The following REPS2 variants were observed in gnomAD, a reference collection of about 807,000 sequenced individuals.
The protein encoded by REPS2 is RALBP1 associated Eps domain containing 2, also known as ralBP1-associated Eps domain-containing protein 2.
In REPS2, 23 loss-of-function variants were observed where a neutral mutation model predicts 53.6. The ratio of observed to expected loss-of-function variants is 0.43; its 90% CI spans 0.31 to 0.61. The LOEUF is 0.61. Among genes scored for constraint, REPS2 ranks in the 20% least tolerant of loss-of-function variants. REPS2 has a pLI of 0.11. For synonymous variants in REPS2, 238 were observed against 218.6 expected, an observed-to-expected ratio of 1.09 and a Z score of -0.78; for missense variants, 446 against 534.9, an observed-to-expected ratio of 0.83 and a Z score of 1.64.
rs1371393269 is a variant in REPS2, at chrX:17,150,094, CACT to C, written c.*2618_*2620del. 1 of 112,757 alleles carries C rather than the reference CACT, an allele frequency of 8.9e-6. No individual in the cohort carries two copies. Among genetic ancestry groups the C allele is most frequent in the African/African-American group, 3.2e-5 (1 of 30,909 alleles). 9.3% of individuals were successfully genotyped at this position (112,757 alleles called of 1,213,427 possible). On this transcript the variant is annotated 3_prime_UTR_variant, in exon 18 of 18. Coordinates refer to ENST00000357277, the MANE Select transcript of REPS2 (RefSeq NM_004726.3). The stretch of plus-strand genomic sequence containing the variant: ...TGTGCATAACACACAAGTAATGACA[CACT>C]ACTATTATTATTACCTAAGTAGTGC...
At chrX:17,063,554 C>G (rs767736508) in intron 9 of REPS2, among the ~76,000 whole-genome samples, 1 of 111,888 alleles carries the variant, frequency 8.9e-6, no homozygotes, top group Non-Finnish European at 1.9e-5. Flanking sequence ...TGAGTTGTGT[C>G]CTCCATGGTA....
the REPS2 span, among the ~76,000 whole-genome samples, chrX:17,184,936 C>G: frequency 8.9e-6 from 1 of 112,008 alleles, no homozygotes; most frequent in South Asian, 3.7e-4. Context: ...TTCCCCATAT[C>G]AGTTAGTTTC....
intron 1 of REPS2, among the ~76,000 whole-genome samples, chrX:16,999,768 C>T (rs907362477): frequency 6.3e-5 from 7 of 110,582 alleles, no homozygotes; most frequent in Admixed American, 9.6e-5. Flanking sequence ...AAATCTTGGC[C>T]GGGCACGGTG....
intron 13 of REPS2, chrX:17,100,318 A>G: frequency 1.9e-6 from 1 of 532,229 alleles, no homozygotes; most frequent in South Asian, 2.7e-5. Flanking sequence ...TTTTCTCCAT[A>G]GCGTGTGTGT....
At chrX:17,005,402 A>G (rs148332382) in intron 1 of REPS2, among the ~76,000 whole-genome samples, 1 of 111,659 alleles carries the variant, frequency 9.0e-6, no homozygotes, top group Non-Finnish European at 1.9e-5. Flanking sequence ...ACCCTCATGA[A>G]CCCACTACCA....
intron 9 of REPS2, among the ~76,000 whole-genome samples, chrX:17,066,478 TTCTCCAAAGGG>T (rs2062226278): frequency 8.9e-6 from 1 of 112,591 alleles, no homozygotes; most frequent in Admixed American, 9.4e-5. Context: ...AATTATGTTA[TTCTCCAAAGGG>T]GCCTGATTTA....
chrX:17,100,494 C>G (rs1437766650), intron 13 of REPS2, among the ~76,000 whole-genome samples: 1 of 112,249 alleles, frequency 8.9e-6, no homozygotes, highest in African/African-American at 3.2e-5. Context: ...GCTAATGGCC[C>G]TCCTCTCAGC....
At position 16,993,710 on chromosome X, in the gene REPS2, G is replaced by A. The variant is rs186305909; in HGVS notation, c.274-12511G>A. Among the ~76,000 whole-genome samples, 7 of 112,267 alleles carry A rather than the reference G, an allele frequency of 6.2e-5. No homozygotes were observed. In the Admixed American group the frequency reaches 6.6e-4, roughly 11 times the overall value. On this transcript the variant is annotated intron_variant, in intron 1 of 17. Transcript: ENST00000357277. ...CAGAGTTATGAATTAAATAAATGCT[G>A]TTGCTTTAAGGCACTTAAGTTTTGG... is the stretch of plus-strand genomic sequence containing the variant.
the REPS2 span, among the ~76,000 whole-genome samples, chrX:17,186,436 T>C: frequency 1.6e-4 from 18 of 112,278 alleles, no homozygotes; most frequent in Non-Finnish European, 3.0e-4. Context: ...TTGAGGTGAG[T>C]GCCATTAGTA....
the REPS2 span, among the ~76,000 whole-genome samples, chrX:17,178,165 G>A: frequency 8.9e-6 from 1 of 111,806 alleles, no homozygotes; most frequent in African/African-American, 3.3e-5. Context: ...AATAAGCAAG[G>A]CCAAAAACCC....
At chrX:17,184,785 G>A in the REPS2 span, among the ~76,000 whole-genome samples, 8 of 111,625 alleles carry the variant, frequency 7.2e-5, no homozygotes, top group East Asian at 1.1e-3. Context: ...GCCAGTGATG[G>A]TGAGCATTTT....
At chrX:16,994,329 G>A (rs901671680) in intron 1 of REPS2, among the ~76,000 whole-genome samples, 1 of 108,946 alleles carries the variant, frequency 9.2e-6, no homozygotes, top group Admixed American at 9.8e-5. Context: ...ATATATGTGT[G>A]TATGTATATG....
At position 17,152,570 on chromosome X, in the gene REPS2, C is replaced by T. The variant is rs1388608415; in HGVS notation, c.*5089C>T. The T allele has an allele frequency of 8.9e-6, 1 of 112,044 alleles. No individual in the cohort carries two copies. The allele number at this position is 112,044 out of a possible 1,213,427, so 9.2% of individuals were successfully genotyped here. ...AATTTGGAAACTACAGTAAAGAAAC[C>T]TTCAGATACCAGTTCCATCCTGAAG... is the stretch of plus-strand genomic sequence containing the variant. On this transcript the variant is annotated 3_prime_UTR_variant, in exon 18 of 18. Transcript: ENST00000357277.
chrX:17,056,348 G>T (rs1416875094), intron 8 of REPS2, among the ~76,000 whole-genome samples: 1 of 112,226 alleles, frequency 8.9e-6, no homozygotes, highest in East Asian at 2.8e-4. Flanking sequence ...GTGTCTCCGG[G>T]TGGCCCTGGG....
intron 1 of REPS2, among the ~76,000 whole-genome samples, chrX:16,971,202 G>A (rs1251274143): frequency 8.9e-6 from 1 of 112,014 alleles, no homozygotes; most frequent in African/African-American, 3.2e-5. Flanking sequence ...GTGTATAATG[G>A]TATCTCATTG....
At chrX:17,055,892 G>A (rs2062062229) in intron 8 of REPS2, among the ~76,000 whole-genome samples, 1 of 100,384 alleles carries the variant, frequency 1.0e-5, no homozygotes, top group African/African-American at 3.7e-5. Context: ...AATGCTAGAT[G>A]ACACGTTAGT....
chrX:17,162,610 G>T, the REPS2 span, among the ~76,000 whole-genome samples: 1 of 112,426 alleles, frequency 8.9e-6, no homozygotes, highest in Non-Finnish European at 1.9e-5. Flanking sequence ...ATTAACCAAT[G>T]GCTTATAACA....
chrX:17,072,681 A>G (rs2062324544), intron 11 of REPS2, among the ~76,000 whole-genome samples: 1 of 112,491 alleles, frequency 8.9e-6, no homozygotes, highest in South Asian at 3.7e-4. Flanking sequence ...GAAGAGGGCC[A>G]CGGAGCCAGC....
At chrX:17,067,612 CT>C (rs1157830120) in intron 9 of REPS2, among the ~76,000 whole-genome samples, 3 of 112,057 alleles carry the variant, frequency 2.7e-5, no homozygotes, top group African/African-American at 9.7e-5. Context: ...GACTTCCCCC[CT>C]GTTTGCATTA....
Sources: allele counts gnomAD v4.1 joint callset (sites outside exome capture counted in the v4.1 genomes callset), GRCh38; gene constraint gnomAD v4.1.1; transcripts MANE v1.5; gene names NCBI Gene and HGNC (gene_info 2026-07-23, HGNC 2026-07-21).